TTLL11: variants seen among roughly 807,000 people sequenced by gnomAD.
The protein encoded by TTLL11 is tubulin tyrosine ligase like 11.
TTLL11 carries 42 observed loss-of-function variants against 51.7 expected under a neutral mutation model. The ratio of observed to expected loss-of-function variants is 0.81; its 90% CI spans 0.64 to 1.05. TTLL11 has a LOEUF of 1.05. TTLL11 is among the 50% of genes least tolerant of loss of function. The probability of loss-of-function intolerance (pLI) is 0.00; values close to 1 mark genes in which losing one functional copy is unlikely to be tolerated. For synonymous variants in TTLL11, 381 were observed against 383.5 expected (o/e 0.99, Z 0.08); for missense variants, 799 against 940.4 (o/e 0.85, Z 1.97).
intron 1 of TTLL11, among the ~76,000 whole-genome samples, chr9:122,066,117 T>A (rs528061722): frequency 1.8e-4 from 28 of 152,058 alleles, no homozygotes; most frequent in African/African-American, 6.5e-4. Context: ...ACTGAATGCA[T>A]GTTCCAAAAA....
chr9:121,935,556 A>G (rs538369895), intron 6 of TTLL11, among the ~76,000 whole-genome samples: 23 of 152,308 alleles, frequency 1.5e-4, no homozygotes, highest in African/African-American at 5.5e-4. Context: ...TGTTTTTAGC[A>G]GGAACTTAAT....
chr9:121,833,026 C>A (rs887361705), intron 8 of TTLL11, among the ~76,000 whole-genome samples: 1 of 89,560 alleles, frequency 1.1e-5, no homozygotes, highest in Non-Finnish European at 2.3e-5. Flanking sequence ...TCATTTAGAA[C>A]AAAACAATAC....
intron 6 of TTLL11, chr9:121,885,426 A>C (rs931864815): frequency 6.6e-6 from 1 of 152,246 alleles, no homozygotes. Flanking sequence ...GCAGTGGTTA[A>C]CCACAAAGGC....
chr9:121,870,501 T>TGAA lies in TTLL11; in HGVS notation c.1726_1728dup (p.Phe576dup). ...GAGGGGGCTGTTCTCACTGACCTTA[T>TGAA]GAAGGTACGAAAGCCTGTTGGCCCC... On this transcript the variant is annotated inframe_insertion, in exon 7 of 9. Transcript: ENST00000321582. 1 of 1,551,526 alleles carries TGAA rather than the reference T, an allele frequency of 6.4e-7. No individual in the cohort carries two copies. Among genetic ancestry groups the TGAA allele is most frequent in the Non-Finnish European group, 8.7e-7 (1 of 1,146,922 alleles).
At chr9:121,840,109 A>G (rs1588061002) in intron 8 of TTLL11, among the ~76,000 whole-genome samples, 1 of 79,438 alleles carries the variant, frequency 1.3e-5, no homozygotes, top group African/African-American at 3.4e-5. Context: ...CCAAAACATT[A>G]ACATGCAAAT....
chr9:122,049,953 G>A (rs986737505), intron 1 of TTLL11, among the ~76,000 whole-genome samples: 1 of 152,078 alleles, frequency 6.6e-6, no homozygotes, highest in Admixed American at 6.5e-5. Flanking sequence ...GGGGGGAAAT[G>A]GTCCAAATGG....
At chr9:121,842,334 C>T (rs1012492452) in intron 8 of TTLL11, among the ~76,000 whole-genome samples, 4 of 152,070 alleles carry the variant, frequency 2.6e-5, no homozygotes, top group Admixed American at 1.3e-4. Context: ...CATAGCTCAC[C>T]GCAGCTTCAA....
At chr9:122,086,208 C>A (rs1456871755) in intron 1 of TTLL11, among the ~76,000 whole-genome samples, 1 of 152,052 alleles carries the variant, frequency 6.6e-6, no homozygotes, top group Non-Finnish European at 1.5e-5. Flanking sequence ...AATGTGAGCC[C>A]CTTGAATTTA....
At chr9:122,041,149 T>C (rs1844836076) in intron 1 of TTLL11, among the ~76,000 whole-genome samples, 1 of 152,202 alleles carries the variant, frequency 6.6e-6, no homozygotes, top group African/African-American at 2.4e-5. Flanking sequence ...CTCATTCAGT[T>C]TTGAGAAACT....
At chr9:122,033,176 G>A (rs560783993) in intron 2 of TTLL11, among the ~76,000 whole-genome samples, 35 of 152,134 alleles carry the variant, frequency 2.3e-4, no homozygotes, top group African/African-American at 6.3e-4. Context: ...GCAATGGCAC[G>A]ATCTTGGCTT....
At chr9:121,917,304 TAAA>T (rs113053206) in intron 6 of TTLL11, among the ~76,000 whole-genome samples, 1 of 141,886 alleles carries the variant, frequency 7.0e-6, no homozygotes, top group Admixed American at 7.2e-5. Context: ...CTTATCTCTA[TAAA>T]AAAAAAAAAT....
intron 6 of TTLL11, among the ~76,000 whole-genome samples, chr9:121,939,084 A>G (rs1395867889): frequency 6.6e-6 from 1 of 152,232 alleles, no homozygotes; most frequent in Non-Finnish European, 1.5e-5. Context: ...GTATAAGGAC[A>G]TTGACCACAG....
chr9:121,849,729 A>C (rs181318217), intron 8 of TTLL11, among the ~76,000 whole-genome samples: 2 of 152,328 alleles, frequency 1.3e-5, no homozygotes, highest in East Asian at 3.9e-4. Context: ...GGCTAAATCC[A>C]AAAAACTGAG....
intron 1 of TTLL11, among the ~76,000 whole-genome samples, chr9:122,088,771 C>T (rs1044698525): frequency 5.9e-5 from 9 of 152,014 alleles, no homozygotes; most frequent in African/African-American, 9.6e-5. Flanking sequence ...TTTGAGAGGC[C>T]GAGGCAGGCA....
chr9:121,943,251 AAGGGC>A (rs758896798), intron 6 of TTLL11, among the ~76,000 whole-genome samples: 3 of 152,198 alleles, frequency 2.0e-5, no homozygotes, highest in Non-Finnish European at 4.4e-5. Context: ...GGTGACAGTC[AAGGGC>A]CAACTGTATT....
intron 6 of TTLL11, among the ~76,000 whole-genome samples, chr9:121,925,118 G>T (rs1423464224): frequency 6.6e-6 from 1 of 152,134 alleles, no homozygotes; most frequent in Non-Finnish European, 1.5e-5. Context: ...CTCTGTTTAG[G>T]GATCTCTAAT....
intron 1 of TTLL11, among the ~76,000 whole-genome samples, chr9:122,047,723 C>A (rs977090046): frequency 6.6e-6 from 1 of 152,192 alleles, no homozygotes; most frequent in Non-Finnish European, 1.5e-5. Context: ...CTCCAGTTCA[C>A]ACCATCACCT....
At chr9:121,826,217 T>TATATACACACAC (rs1491163835) in intron 8 of TTLL11, among the ~76,000 whole-genome samples, 751 of 58,102 alleles carry the variant, frequency 0.013, 70 homozygotes, top group Non-Finnish European at 0.015. Flanking sequence ...TATATATATA[T>TATATACACACAC]GCACACATAT....
At chr9:121,931,426 C>A (rs1035227452) in intron 6 of TTLL11, among the ~76,000 whole-genome samples, 2 of 152,028 alleles carry the variant, frequency 1.3e-5, no homozygotes, top group East Asian at 3.9e-4. Context: ...CAACGTCTCA[C>A]CCCTGCCTTT....
Sources: gnomAD v4.1 joint callset for allele counts (sites outside exome capture counted in the v4.1 genomes callset) on GRCh38, gnomAD v4.1.1 for gene constraint, MANE v1.5 for transcripts, NCBI Gene and HGNC (gene_info 2026-07-23, HGNC 2026-07-21) for gene names.